TCF4: variants seen among roughly 807,000 people sequenced by gnomAD.
The protein encoded by TCF4 is transcription factor 4, also known as SL3-3 enhancer factor 2.
A neutral mutation model predicts 82.1 loss-of-function variants in TCF4; 3 were observed. That is an observed-to-expected ratio of 0.04 (90% CI 0.02 to 0.09). The LOEUF (loss-of-function observed/expected upper bound fraction) is 0.09, where lower values mean the gene tolerates loss of function less well. TCF4 is among the 10% of genes least tolerant of loss of function. The pLI, the probability that TCF4 is intolerant of heterozygous loss-of-function variation, is 1.00. For synonymous variants in TCF4, 276 were observed against 309.6 expected (o/e 0.89, Z 1.14); for missense variants, 518 against 852.7 (o/e 0.61, Z 4.89).
intron 15 of TCF4, among the ~76,000 whole-genome samples, chr18:55,237,642 G>A (rs1041655019): frequency 3.3e-5 from 5 of 151,538 alleles, no homozygotes; most frequent in Admixed American, 2.0e-4. Context: ...CTAATTTGTC[G>A]TGATGTTTTA....
intron 5 of TCF4, among the ~76,000 whole-genome samples, chr18:55,458,092 G>T (rs1391463571): frequency 6.6e-6 from 1 of 152,000 alleles, no homozygotes; most frequent in Non-Finnish European, 1.5e-5. Flanking sequence ...CAGGTCATCT[G>T]CAGTTAATAA....
At chr18:55,359,964 T>C (rs1260906908) in intron 6 of TCF4, among the ~76,000 whole-genome samples, 1 of 152,214 alleles carries the variant, frequency 6.6e-6, no homozygotes, top group African/African-American at 2.4e-5. Flanking sequence ...CATGGGGCTA[T>C]TAAATGGTTC....
At chr18:55,615,233 G>C (rs1333457130) in intron 2 of TCF4, among the ~76,000 whole-genome samples, 1 of 152,044 alleles carries the variant, frequency 6.6e-6, no homozygotes, top group Non-Finnish European at 1.5e-5. Context: ...CATTTAATTA[G>C]ATCTCTAATT....
At chr18:55,602,883 T>C (rs1011992679) in intron 2 of TCF4, among the ~76,000 whole-genome samples, 3 of 152,192 alleles carry the variant, frequency 2.0e-5, no homozygotes, top group Non-Finnish European at 4.4e-5. Context: ...GATTTTATAT[T>C]ATAGCAACAT....
intron 6 of TCF4, among the ~76,000 whole-genome samples, chr18:55,355,659 G>C (rs1156655488): frequency 6.6e-6 from 1 of 152,136 alleles, no homozygotes; most frequent in Admixed American, 6.6e-5. Context: ...AGGTCCAAGA[G>C]TACACCTTTA....
intron 8 of TCF4, among the ~76,000 whole-genome samples, chr18:55,338,003 T>C (rs2079009799): frequency 6.6e-6 from 1 of 151,732 alleles, no homozygotes; most frequent in African/African-American, 2.4e-5. Flanking sequence ...CACTGAACTC[T>C]CACCCATGTT....
intron 5 of TCF4, among the ~76,000 whole-genome samples, chr18:55,447,572 T>A (rs2144207985): frequency 6.6e-6 from 1 of 152,242 alleles, no homozygotes; most frequent in East Asian, 1.9e-4. Flanking sequence ...AAAGACTCAT[T>A]TGAGTATTGA....
At chr18:55,239,573 T>C (rs2144885666) in intron 15 of TCF4, among the ~76,000 whole-genome samples, 1 of 152,312 alleles carries the variant, frequency 6.6e-6, no homozygotes, top group East Asian at 1.9e-4. Context: ...TATACGTACA[T>C]ATATAGATAG....
chr18:55,289,650 T>C (rs1465474266), intron 8 of TCF4, among the ~76,000 whole-genome samples: 1 of 152,182 alleles, frequency 6.6e-6, no homozygotes, highest in Admixed American at 6.5e-5. Flanking sequence ...ATAGGTTTGG[T>C]TATATCTGCC....
In TCF4 at chr18:55,423,087, G is replaced by A. The variant is rs1280165555; in HGVS notation, c.305-19569C>T. On this transcript the variant is annotated intron_variant, in intron 5 of 19. Coordinates refer to ENST00000354452, the MANE Select transcript of TCF4 (RefSeq NM_001083962.2). The stretch of plus-strand genomic sequence containing the variant: ...CCGGACTTTGGGGGAAGTTGAAAAG[G>A]GCTAGGTTAAAGCAAATTTATTTTT... Among the ~76,000 whole-genome samples, 9 of 151,702 alleles carry A rather than the reference G, an allele frequency of 5.9e-5. No homozygotes were observed. The East Asian group carries it at 1.6e-3, about 26-fold the overall frequency.
In TCF4 at chr18:55,464,068, A is replaced by T; in HGVS notation, c.207+8T>A. On this transcript the variant is annotated splice_region_variant and intron_variant, in intron 4 of 19. Transcript: ENST00000354452. ...CTGGTTGTGGGAGAAAAGATTAGAT[A>T]TACTTACCCTGGACGGGCTTGGATG... 1 of 1,613,662 alleles carries T rather than the reference A, an allele frequency of 6.2e-7. No homozygotes were observed. Among genetic ancestry groups the T allele is most frequent in the Non-Finnish European group, 8.5e-7 (1 of 1,179,704 alleles).
At chr18:55,407,442 C>T (rs139592994) in intron 5 of TCF4, among the ~76,000 whole-genome samples, 11 of 152,186 alleles carry the variant, frequency 7.2e-5, no homozygotes, top group South Asian at 2.1e-4. Flanking sequence ...CATGCAGCCC[C>T]GTCTACAGAA....
chr18:55,292,500 T>C (rs551741001), intron 8 of TCF4, among the ~76,000 whole-genome samples: 1 of 152,312 alleles, frequency 6.6e-6, no homozygotes, highest in African/African-American at 2.4e-5. Flanking sequence ...TCTGTCTTTT[T>C]TGTCTTCCTT....
At chr18:55,378,735 G>C (rs1346662780) in intron 6 of TCF4, among the ~76,000 whole-genome samples, 1 of 152,116 alleles carries the variant, frequency 6.6e-6, no homozygotes, top group East Asian at 1.9e-4. Flanking sequence ...TCTTACACAT[G>C]GTACACAGAA....
intron 2 of TCF4, among the ~76,000 whole-genome samples, chr18:55,622,870 C>A (rs1480294975): frequency 3.6e-5 from 3 of 82,682 alleles, no homozygotes; most frequent in African/African-American, 1.5e-4. Context: ...TTAAAAACTT[C>A]TTTCTCCACT....
At chr18:55,248,664 T>C (rs1046354312) in intron 15 of TCF4, among the ~76,000 whole-genome samples, 2 of 152,242 alleles carry the variant, frequency 1.3e-5, no homozygotes, top group Admixed American at 1.3e-4. Flanking sequence ...TTGAAATGGT[T>C]ATGGTATTAG....
Position 55,351,230 on chromosome 18 carries a change from T to G in TCF4, c.370-227A>C, listed in dbSNP as rs1039743977. ...TTAGGAGGAAAGTAGATGATTCCCT[T>G]TAAACAATATTTTTTTAAGTCTTTT... On this transcript the variant is annotated intron_variant, in intron 6 of 19. Transcript: ENST00000354452. 2.1e-4 allele frequency: 106 copies of G among 509,230 alleles called. No homozygotes were observed. The Admixed American group carries it at 3.4e-3, about 16-fold the overall frequency. 31.5% of individuals were successfully genotyped at this position (509,230 alleles called of 1,614,324 possible). A position where few individuals can be genotyped will look rare whatever the true frequency, so the allele number is the denominator to read the frequency against.
rs2088878615 is a variant in TCF4 at position 55,370,744 on chromosome 18, A to G, written c.370-19741T>C. ...GATGAAAGCATCTCCTTAGATAGGA[A>G]TAAAATCAATTTGCACAAAAAAGAG... On this transcript the variant is annotated intron_variant, in intron 6 of 19. Coordinates refer to ENST00000354452, the MANE Select transcript of TCF4 (RefSeq NM_001083962.2). Among the ~76,000 whole-genome samples the G allele has an allele frequency of 2.0e-5, 3 of 152,238 alleles. No homozygotes were observed. The South Asian group carries it at 6.2e-4, about 32-fold the overall frequency.
At chr18:55,571,834 C>A (rs1480988598) in intron 3 of TCF4, among the ~76,000 whole-genome samples, 1 of 149,170 alleles carries the variant, frequency 6.7e-6, no homozygotes, top group African/African-American at 2.5e-5. Flanking sequence ...CAACCCATCC[C>A]CAGCTCTGTC....
Sources: gnomAD v4.1 joint callset for allele counts (sites outside exome capture counted in the v4.1 genomes callset) on GRCh38, gnomAD v4.1.1 for gene constraint, MANE v1.5 for transcripts, NCBI Gene and HGNC (gene_info 2026-07-23, HGNC 2026-07-21) for gene names.